Variants in PIP5K1B observed in about 807,000 individuals in gnomAD.
The protein encoded by PIP5K1B is phosphatidylinositol 4-phosphate 5-kinase type-1 beta.
In PIP5K1B, 42 loss-of-function variants were observed where a neutral mutation model predicts 67.0. The ratio of observed to expected loss-of-function variants is 0.63; its 90% CI spans 0.49 to 0.81. PIP5K1B has a LOEUF of 0.81. Among genes scored for constraint, PIP5K1B ranks in the 30% least tolerant of loss-of-function variants. The probability of loss-of-function intolerance (pLI) is 0.00; values close to 1 mark genes in which losing one functional copy is unlikely to be tolerated. For synonymous variants in PIP5K1B, 214 were observed against 231.4 expected (o/e 0.92, Z 0.68); for missense variants, 459 against 646.3 (o/e 0.71, Z 3.14).
chr9:68,993,162 C>CA (rs34827003), intron 15 of PIP5K1B, among the ~76,000 whole-genome samples: 56,829 of 145,858 alleles, frequency 0.39, 11,443 homozygotes, highest in African/African-American at 0.52. Context: ...ACTCCGTCTC[C>CA]AAAAAAAAAA....
At chr9:68,981,749 A>G (rs1438879698) in intron 14 of PIP5K1B, among the ~76,000 whole-genome samples, 1 of 152,204 alleles carries the variant, frequency 6.6e-6, no homozygotes, top group African/African-American at 2.4e-5. Flanking sequence ...CAGCCAGGCT[A>G]ATGCTCTCCA....
chr9:68,776,029 A>C (rs1830899557), intron 2 of PIP5K1B, among the ~76,000 whole-genome samples: 1 of 152,190 alleles, frequency 6.6e-6, no homozygotes, highest in Non-Finnish European at 1.5e-5. Flanking sequence ...CGTGGGCTAT[A>C]AATATATTTT....
chr9:68,809,359 GAA>G (rs1400207894), intron 2 of PIP5K1B, among the ~76,000 whole-genome samples: 1 of 72,602 alleles, frequency 1.4e-5, no homozygotes, highest in Non-Finnish European at 2.9e-5. Flanking sequence ...AAGGGCTCTA[GAA>G]GAAGAACTAT....
At position 68,780,338 on chromosome 9, in the gene PIP5K1B, C is replaced by CTCG. The variant is rs1215926609; in HGVS notation, c.-86+37681_-86+37682insTCG. On this transcript the variant is annotated intron_variant, in intron 2 of 15. Coordinates refer to ENST00000265382, the MANE Select transcript of PIP5K1B (RefSeq NM_003558.4). ...TGTTCCAGGCCGAGGCGCCGAGCGC[C>CTCG]AGGCGGAACAGCACAACGTTCCCGA... The CTCG allele has an allele frequency of 3.7e-6, 6 of 1,607,342 alleles. No individual in the cohort carries two copies. In the Admixed American group the frequency reaches 1.0e-4, roughly 27 times the overall value.
intron 2 of PIP5K1B, among the ~76,000 whole-genome samples, chr9:68,755,258 C>G (rs10735625): frequency 6.6e-6 from 1 of 152,044 alleles, no homozygotes; most frequent in Non-Finnish European, 1.5e-5. Context: ...ACTGCTTTCC[C>G]AAAGAATCCA....
chr9:68,815,967 A>G lies in PIP5K1B; in HGVS notation c.-85-2494A>G, dbSNP rs374958718. 4.6e-5 allele frequency among the ~76,000 whole-genome samples: 7 copies of G among 152,328 alleles called. No individual in the cohort carries two copies. In the South Asian group the frequency reaches 6.2e-4, roughly 14 times the overall value. ...AAAAGATTGTAGTGAAAGACAAACTAACATTTGAAGAAGTAGAGAGCTATA... is the reference window on the plus strand; with the variant it reads ...AAAAGATTGTAGTGAAAGACAAACTGACATTTGAAGAAGTAGAGAGCTATA... On this transcript the variant is annotated intron_variant, in intron 2 of 15. Transcript: ENST00000265382.
intron 2 of PIP5K1B, among the ~76,000 whole-genome samples, chr9:68,756,669 CAA>C (rs932155499): frequency 6.4e-4 from 98 of 152,224 alleles, no homozygotes; most frequent in African/African-American, 2.2e-3. Flanking sequence ...TTGCACCAAA[CAA>C]ATATCTTATA....
chr9:68,737,183 C>G (rs1828780633), intron 1 of PIP5K1B, among the ~76,000 whole-genome samples: 1 of 152,144 alleles, frequency 6.6e-6, no homozygotes, highest in Non-Finnish European at 1.5e-5. Flanking sequence ...ACCAGGTTTG[C>G]TTTCTGTCAA....
At chr9:68,889,734 CAAAA>C (rs11349016) in intron 7 of PIP5K1B, among the ~76,000 whole-genome samples, 1 of 79,752 alleles carries the variant, frequency 1.3e-5, no homozygotes, top group Non-Finnish European at 2.5e-5. Flanking sequence ...GACTCCTTCT[CAAAA>C]AAAAAAAAAA....
chr9:68,980,143 C>A (rs185675573), intron 14 of PIP5K1B, among the ~76,000 whole-genome samples: 1 of 152,170 alleles, frequency 6.6e-6, no homozygotes, highest in African/African-American at 2.4e-5. Flanking sequence ...GCAGCAGGAG[C>A]GCTAGTGCTA....
chr9:68,943,428 CAATATCCCTATT>C (rs1307170001), intron 14 of PIP5K1B, among the ~76,000 whole-genome samples: 1 of 152,158 alleles, frequency 6.6e-6, no homozygotes, highest in African/African-American at 2.4e-5. Context: ...TCCCAGGAGT[CAATATCCCTATT>C]TCCCTGACCC....
rs183444984 is a variant in PIP5K1B, at chr9:68,840,580, G to A, written c.69+17897G>A. On this transcript the variant is annotated intron_variant, in intron 4 of 15. Coordinates refer to ENST00000265382, the MANE Select transcript of PIP5K1B (RefSeq NM_003558.4). ...TCCTTATGGAGGCTCTAGGAGAGAA[G>A]CCTTTTCCACAGGGGCCACTTACAT... 6.6e-5 allele frequency among the ~76,000 whole-genome samples: 10 copies of A among 152,288 alleles called. No individual in the cohort carries two copies. In the South Asian group the frequency reaches 2.1e-3, roughly 32 times the overall value.
intron 1 of PIP5K1B, among the ~76,000 whole-genome samples, chr9:68,712,487 CTCTT>C (rs1432758360): frequency 3.0e-4 from 45 of 152,334 alleles, no homozygotes; most frequent in African/African-American, 1.1e-3. Context: ...AGATTATAAA[CTCTT>C]TGAGGGCAGA....
Position 68,790,300 on chromosome 9 carries a change from C to T in PIP5K1B, c.-85-28161C>T, listed in dbSNP as rs115654953. ...CAATTCACTGGTGAGTAAGAGGATCCGAAAAAGGAAAACCTCCCTTTGAAA... is the reference window on the plus strand; with the variant it reads ...CAATTCACTGGTGAGTAAGAGGATCTGAAAAAGGAAAACCTCCCTTTGAAA... On this transcript the variant is annotated intron_variant, in intron 2 of 15. Transcript: ENST00000265382. Among the ~76,000 whole-genome samples, 752 of 152,118 alleles carry T rather than the reference C, an allele frequency of 4.9e-3. 6 individuals carry two copies. The highest frequency in any genetic ancestry group is 0.017 in the African/African-American group (718 of 41,502).
At chr9:68,807,237 A>T (rs1235789458) in intron 2 of PIP5K1B, among the ~76,000 whole-genome samples, 1 of 152,178 alleles carries the variant, frequency 6.6e-6, no homozygotes, top group African/African-American at 2.4e-5. Context: ...TGAAGAATAG[A>T]TCTTAAGTGG....
intron 6 of PIP5K1B, among the ~76,000 whole-genome samples, chr9:68,887,611 G>A (rs553680368): frequency 6.6e-5 from 10 of 152,340 alleles, no homozygotes; most frequent in African/African-American, 2.4e-4. Context: ...GAAGAGATTT[G>A]CATTTTAGAA....
At chr9:68,987,256 ATAAT>A (rs142712459) in intron 14 of PIP5K1B, among the ~76,000 whole-genome samples, 2,050 of 150,002 alleles carry the variant, frequency 0.014, 34 homozygotes, top group African/African-American at 0.047. Context: ...CTGTCTCAAA[ATAAT>A]TAATTAATTA....
chr9:68,880,981 A>C (rs1390957378), intron 6 of PIP5K1B, among the ~76,000 whole-genome samples: 2 of 152,168 alleles, frequency 1.3e-5, no homozygotes, highest in Non-Finnish European at 2.9e-5. Context: ...TGCATGACAC[A>C]GCATGCTTGA....
At chr9:68,718,738 T>C (rs1359618600) in intron 1 of PIP5K1B, among the ~76,000 whole-genome samples, 1 of 152,252 alleles carries the variant, frequency 6.6e-6, no homozygotes, top group African/African-American at 2.4e-5. Context: ...TGTAAAGTGA[T>C]AGATTTAGTA....
Sources: allele counts gnomAD v4.1 joint callset (sites outside exome capture counted in the v4.1 genomes callset), GRCh38; gene constraint gnomAD v4.1.1; transcripts MANE v1.5; gene names NCBI Gene and HGNC (gene_info 2026-07-23, HGNC 2026-07-21).